The following GLIPR2 variants were observed in gnomAD, a reference collection of about 807,000 sequenced individuals.
GLIPR2 encodes the protein GLI pathogenesis related 2, also known as Golgi-associated plant pathogenesis-related protein 1.
A neutral mutation model predicts 20.4 loss-of-function variants in GLIPR2; 21 were observed. The ratio of observed to expected loss-of-function variants is 1.03; its 90% CI spans 0.73 to 1.48. The LOEUF (loss-of-function observed/expected upper bound fraction) is 1.48, where lower values mean the gene tolerates loss of function less well. GLIPR2 is among the 40% of genes most tolerant of loss of function. The probability of loss-of-function intolerance (pLI) is 0.00; values close to 1 mark genes in which losing one functional copy is unlikely to be tolerated. For synonymous variants in GLIPR2, 91 were observed against 80.5 expected, an observed-to-expected ratio of 1.13 and a Z score of -0.70; for missense variants, 205 against 200.1, an observed-to-expected ratio of 1.02 and a Z score of -0.15.
Position 36,162,908 on chromosome 9 carries a change from T to C in GLIPR2, c.*386T>C. On this transcript the variant is annotated 3_prime_UTR_variant, in exon 5 of 5. Coordinates refer to ENST00000377960, the MANE Select transcript of GLIPR2 (RefSeq NM_022343.4). Reference sequence around the variant, plus strand: ...GCTGAGAAGTGAAGTTCATTTTATGTGATCTTCATGCGTCGTAATCTACTT... The same window carrying C: ...GCTGAGAAGTGAAGTTCATTTTATGCGATCTTCATGCGTCGTAATCTACTT... 1 of 460,510 alleles carries C rather than the reference T, an allele frequency of 2.2e-6. No homozygotes were observed. The highest frequency in any genetic ancestry group is 4.3e-6 in the Non-Finnish European group (1 of 230,198). The allele number at this position is 460,510 out of a possible 1,614,324, so 28.5% of individuals were successfully genotyped here.
chr9:36,142,510 A>C (rs1377438470), intron 1 of GLIPR2, among the ~76,000 whole-genome samples: 1 of 152,238 alleles, frequency 6.6e-6, no homozygotes, highest in African/African-American at 2.4e-5. Flanking sequence ...TGGCCAGAGC[A>C]GGAGAAAGCA....
chr9:36,161,918 G>A (rs1001720150), intron 4 of GLIPR2, among the ~76,000 whole-genome samples: 1 of 152,204 alleles, frequency 6.6e-6, no homozygotes, highest in Admixed American at 6.5e-5. Flanking sequence ...CAGGCACAGT[G>A]GCTCACACCT....
chr9:36,159,592 C>T (rs1023575182), intron 4 of GLIPR2, among the ~76,000 whole-genome samples: 2 of 152,114 alleles, frequency 1.3e-5, no homozygotes, highest in African/African-American at 4.8e-5. Context: ...GCAAATGCAT[C>T]ACACAAATGG....
At chr9:36,157,713 C>CATAT (rs141650170) in intron 4 of GLIPR2, among the ~76,000 whole-genome samples, 2 of 106,794 alleles carry the variant, frequency 1.9e-5, no homozygotes, top group Admixed American at 9.1e-5. Context: ...CACACACACA[C>CATAT]ATATATATAT....
chr9:36,146,826 C>T lies in GLIPR2; in HGVS notation c.14-960C>T, dbSNP rs370328732. ...CCCACCCCCATGGCTTAGGGCTGTC[C>T]GGCTTCAGCTCTCGGGTGGAAGCCT... On this transcript the variant is annotated intron_variant, in intron 1 of 4. Transcript: ENST00000377960. Among the ~76,000 whole-genome samples, 89 of 152,282 alleles carry T rather than the reference C, an allele frequency of 5.8e-4. 3 individuals are homozygous for T. The South Asian group carries it at 0.017, about 29-fold the overall frequency.
chr9:36,153,667 G>A (rs1421690029), intron 4 of GLIPR2, among the ~76,000 whole-genome samples: 1 of 152,054 alleles, frequency 6.6e-6, no homozygotes, highest in Admixed American at 6.6e-5. Flanking sequence ...TTGTGAAGCC[G>A]AGGCAGGCAG....
chr9:36,153,666 C>T (rs1429166588), intron 4 of GLIPR2, among the ~76,000 whole-genome samples: 2 of 152,002 alleles, frequency 1.3e-5, no homozygotes, highest in Admixed American at 6.6e-5. Flanking sequence ...TTTGTGAAGC[C>T]GAGGCAGGCA....
chr9:36,138,793 G>C (rs1382910060), intron 1 of GLIPR2, among the ~76,000 whole-genome samples: 1 of 152,224 alleles, frequency 6.6e-6, no homozygotes, highest in Non-Finnish European at 1.5e-5. Context: ...ACAGGTGCTG[G>C]TGAAGGGTGG....
chr9:36,153,654 A>G (rs1825700191), intron 4 of GLIPR2, among the ~76,000 whole-genome samples: 2 of 152,084 alleles, frequency 1.3e-5, no homozygotes, highest in South Asian at 4.1e-4. Context: ...TAATCCCTGT[A>G]CTTTGTGAAG....
At chr9:36,159,922 C>T (rs1242583173) in intron 4 of GLIPR2, among the ~76,000 whole-genome samples, 1 of 152,084 alleles carries the variant, frequency 6.6e-6, no homozygotes, top group African/African-American at 2.4e-5. Flanking sequence ...GCCGAGATCA[C>T]GCTACTGTAC....
chr9:36,161,518 GC>G (rs36124121), intron 4 of GLIPR2, among the ~76,000 whole-genome samples: 1 of 151,136 alleles, frequency 6.6e-6, no homozygotes, highest in Non-Finnish European at 1.5e-5. Flanking sequence ...AAAAAAAAGG[GC>G]CCAGGATTGA....
At chr9:36,160,644 C>T (rs1221984328) in intron 4 of GLIPR2, among the ~76,000 whole-genome samples, 1 of 152,072 alleles carries the variant, frequency 6.6e-6, no homozygotes, top group Non-Finnish European at 1.5e-5. Flanking sequence ...GGAGAGGAGG[C>T]CACTGCACCA....
intron 1 of GLIPR2, among the ~76,000 whole-genome samples, chr9:36,142,833 T>A (rs1400229853): frequency 6.6e-6 from 1 of 152,168 alleles, no homozygotes; most frequent in Non-Finnish European, 1.5e-5. Context: ...AGGAGCCACC[T>A]GGGCTAGGAC....
At position 36,148,676 on chromosome 9, in the gene GLIPR2, C is replaced by T. The variant is rs764593161; in HGVS notation, c.226+26C>T. On this transcript the variant is annotated intron_variant, in intron 3 of 4. Transcript: ENST00000377960. ...GTGGGTCGCATTTTCAGCTCCTCTCCTCTCTGCGGGAGCTGGAAGAAGGAC... is the reference window on the plus strand; with the variant it reads ...GTGGGTCGCATTTTCAGCTCCTCTCTTCTCTGCGGGAGCTGGAAGAAGGAC... 8.8e-6 allele frequency: 13 copies of T among 1,482,154 alleles called. No individual in the cohort carries two copies. The East Asian group carries it at 3.0e-4, about 34-fold the overall frequency. The allele number at this position is 1,482,154 out of a possible 1,614,324, so 91.8% of individuals were successfully genotyped here. A position where few individuals can be genotyped will look rare whatever the true frequency, so the allele number is the denominator to read the frequency against.
intron 3 of GLIPR2, among the ~76,000 whole-genome samples, chr9:36,149,924 A>G (rs1825506083): frequency 6.6e-6 from 1 of 152,228 alleles, no homozygotes; most frequent in Non-Finnish European, 1.5e-5. Context: ...GCTACTCGGG[A>G]GGCTGAGGCA....
chr9:36,142,254 C>T (rs1825123112), intron 1 of GLIPR2, among the ~76,000 whole-genome samples: 1 of 152,158 alleles, frequency 6.6e-6, no homozygotes, highest in Admixed American at 6.5e-5. Context: ...GCCTGATCCC[C>T]CTCCCAGGCC....
chr9:36,162,333 T>G (rs1826090918), intron 4 of GLIPR2, 29 bp from the exon 5 acceptor site: 1 of 1,602,588 alleles, frequency 6.2e-7, no homozygotes. Context: ...TTCAGCCGTG[T>G]CCCTCTCCCT....
At chr9:36,156,391 A>G (rs1825832666) in intron 4 of GLIPR2, among the ~76,000 whole-genome samples, 1 of 91,990 alleles carries the variant, frequency 1.1e-5, no homozygotes, top group Non-Finnish European at 2.5e-5. Flanking sequence ...TGTCTAAAAA[A>G]AAAAAAAAAA....
chr9:36,152,744 C>CT (rs1295883591), intron 4 of GLIPR2, among the ~76,000 whole-genome samples: 1 of 98,962 alleles, frequency 1.0e-5, no homozygotes, highest in African/African-American at 4.0e-5. Context: ...GAGCAAAACT[C>CT]TGTCTCAAAA....
Sources: gnomAD v4.1 joint callset for allele counts (sites outside exome capture counted in the v4.1 genomes callset) on GRCh38, gnomAD v4.1.1 for gene constraint, MANE v1.5 for transcripts, NCBI Gene and HGNC (gene_info 2026-07-23, HGNC 2026-07-21) for gene names.